PCDH15: variants seen among roughly 807,000 people sequenced by gnomAD.
PCDH15 encodes protocadherin related 15, also known as protocadherin-15.
A neutral mutation model predicts 178.5 loss-of-function variants in PCDH15; 129 were observed. That is an observed-to-expected ratio of 0.72 (90% CI 0.63 to 0.84). The LOEUF is 0.84. Ranked by LOEUF, PCDH15 falls within the 40% of genes least tolerant of loss-of-function variation. The pLI, the probability that PCDH15 is intolerant of heterozygous loss-of-function variation, is 0.00. For synonymous variants in PCDH15, 800 were observed against 732.0 expected (o/e 1.09, Z -1.50); for missense variants, 2,230 against 2,099.9 (o/e 1.06, Z -1.21).
chr10:53,856,174 T>G (rs1026169681), intron 28 of PCDH15, among the ~76,000 whole-genome samples: 1 of 151,346 alleles, frequency 6.6e-6, no homozygotes, highest in Admixed American at 6.6e-5. Context: ...TTGGGTACAG[T>G]GTACACTGCT....
At position 53,827,510 on chromosome 10, in the gene PCDH15, G is replaced by C. The variant is rs761932997; in HGVS notation, c.4250C>G (p.Ala1417Gly). 6.2e-7 allele frequency: 1 copy of C among 1,614,120 alleles called. No homozygotes were observed. The highest frequency in any genetic ancestry group is 2.2e-5 in the East Asian group (1 of 44,874). ...TGCTGGTTTAGCCGCGGGTAATGCG[G>C]CCTGAATTCGTGCAGTCTTTGTACA... The part of the protein sequence containing the change: ...AECTKTARIQ[A>G]ALPAAKPAVP... The change falls in exon 32 of 38, where the codon GCC becomes GGC. Residue 1417 changes from alanine to glycine, a missense_variant. Coordinates refer to ENST00000644397, the MANE Select transcript of PCDH15 (RefSeq NM_001384140.1).
chr10:54,373,721 T>C (rs755319171), intron 4 of PCDH15, among the ~76,000 whole-genome samples: 7 of 151,978 alleles, frequency 4.6e-5, no homozygotes, highest in Non-Finnish European at 8.8e-5. Flanking sequence ...GAGGTGATCA[T>C]AAATAAAGTC....
chr10:54,673,517 C>A (rs759325811), intron 1 of PCDH15, among the ~76,000 whole-genome samples: 1 of 152,080 alleles, frequency 6.6e-6, no homozygotes, highest in Non-Finnish European at 1.5e-5. Context: ...CGGCTCACTG[C>A]GACCTCCTCC....
intron 1 of PCDH15, among the ~76,000 whole-genome samples, chr10:55,265,311 G>GATAGATATAT (rs2084814848): frequency 6.9e-6 from 1 of 144,214 alleles, no homozygotes; most frequent in African/African-American, 2.7e-5. Context: ...GTATCTCTAT[G>GATAGATATAT]ATATATATAT....
At chr10:54,862,508 TGTCCCTCCCA>T (rs1323811224) in intron 3 of PCDH15, among the ~76,000 whole-genome samples, 14 of 152,266 alleles carry the variant, frequency 9.2e-5, no homozygotes, top group Admixed American at 7.2e-4. Context: ...ATATGCGGCT[TGTCCCTCCCA>T]AAACTCAGGT....
intron 2 of PCDH15, among the ~76,000 whole-genome samples, chr10:55,548,316 G>A (rs1405883003): frequency 3.3e-5 from 5 of 151,008 alleles, no homozygotes; most frequent in African/African-American, 4.9e-5. Context: ...TTTGTTACAC[G>A]CCAATATATA....
chr10:54,182,506 A>AGT (rs71007813), intron 13 of PCDH15, among the ~76,000 whole-genome samples: 15,518 of 147,956 alleles, frequency 0.1, 1,427 homozygotes, highest in African/African-American at 0.26. Flanking sequence ...AGAGAAAAAA[A>AGT]GTGTGTGTGT....
At chr10:55,500,435 T>G (rs1015943823) in intron 2 of PCDH15, among the ~76,000 whole-genome samples, 1 of 151,776 alleles carries the variant, frequency 6.6e-6, no homozygotes, top group Non-Finnish European at 1.5e-5. Flanking sequence ...TACAAGAAAG[T>G]TTTACAAATT....
At position 53,831,377 on chromosome 10, in the gene PCDH15, C is replaced by G. The variant is rs754652629; in HGVS notation, c.4140G>C (p.Leu1380=). ...TGCAGCAGAGGATGATGATGAAGGCCAGAGCCAACAAGGCCCCTTCTGTGT... is the reference window on the plus strand; with the variant it reads ...TGCAGCAGAGGATGATGATGAAGGCGAGAGCCAACAAGGCCCCTTCTGTGT... The part of the protein sequence containing the change: ...LGYTEGALLA[L]AFIIILCCIP... Residue 1380 remains leucine (L), a synonymous_variant, in exon 30 of 38, where the codon CTG becomes CTC. Transcript: ENST00000644397. The G allele has an allele frequency of 6.2e-7, 1 of 1,613,984 alleles. No individual in the cohort carries two copies. Among genetic ancestry groups the G allele is most frequent in the African/African-American group, 1.3e-5 (1 of 74,902 alleles).
At position 55,475,503 on chromosome 10, in the gene PCDH15, T is replaced by C. The variant is rs189650139; in HGVS notation, c.-156+152122A>G. 9.5e-4 allele frequency among the ~76,000 whole-genome samples: 145 copies of C among 152,208 alleles called. 1 individual carries two copies. Among genetic ancestry groups the C allele is most frequent in the Non-Finnish European group, 1.6e-3 (109 of 68,008 alleles). On this transcript the variant is annotated intron_variant, in intron 2 of 5. Coordinates refer to the PCDH15 transcript ENST00000613346. The stretch of plus-strand genomic sequence containing the variant: ...AGGTTAAGCATACCTAAACTAAAAA[T>C]CCAAAATGTGAAACTTTTTGAGTCC...
chr10:55,158,607 G>A (rs1838962858), intron 2 of PCDH15, among the ~76,000 whole-genome samples: 1 of 150,416 alleles, frequency 6.6e-6, no homozygotes, highest in South Asian at 2.1e-4. Flanking sequence ...GAGGGTCTGG[G>A]GTCAAAAATA....
intron 1 of PCDH15, among the ~76,000 whole-genome samples, chr10:55,284,448 A>G (rs1033927550): frequency 3.3e-5 from 5 of 152,114 alleles, no homozygotes; most frequent in Admixed American, 6.6e-5. Context: ...TGTATCACTC[A>G]GAATCAGTGC....
At chr10:55,347,784 A>G (rs1844802381) in intron 2 of PCDH15, among the ~76,000 whole-genome samples, 2 of 152,328 alleles carry the variant, frequency 1.3e-5, no homozygotes, top group South Asian at 4.1e-4. Context: ...CTGTGCCCAC[A>G]GGTCAACTAG....
intron 2 of PCDH15, among the ~76,000 whole-genome samples, chr10:55,559,203 C>T (rs931748194): frequency 5.3e-5 from 8 of 151,974 alleles, no homozygotes; most frequent in African/African-American, 1.9e-4. Flanking sequence ...CCAAATAGAA[C>T]CAAATGTATA....
At chr10:54,527,196 C>A (rs1031700429) in intron 3 of PCDH15, among the ~76,000 whole-genome samples, 4 of 151,988 alleles carry the variant, frequency 2.6e-5, no homozygotes, top group Non-Finnish European at 4.4e-5. Flanking sequence ...GTGGCCGATG[C>A]AGAACAAAAA....
At chr10:53,869,939 TTCTG>T (rs1315080634) in intron 26 of PCDH15, among the ~76,000 whole-genome samples, 1 of 152,210 alleles carries the variant, frequency 6.6e-6, no homozygotes, top group East Asian at 1.9e-4. Context: ...ATGTTCTATT[TTCTG>T]TCTGACTTCT....
chr10:54,747,541 T>C (rs537983427), intron 1 of PCDH15, among the ~76,000 whole-genome samples: 3 of 152,182 alleles, frequency 2.0e-5, no homozygotes, highest in Non-Finnish European at 2.9e-5. Context: ...AGTTTTATAA[T>C]AGAGGAAAAT....
At chr10:54,815,621 A>G (rs951876978) in intron 3 of PCDH15, among the ~76,000 whole-genome samples, 3 of 152,122 alleles carry the variant, frequency 2.0e-5, no homozygotes, top group African/African-American at 7.2e-5. Context: ...GTCATGTTTA[A>G]TGCAATACCC....
In PCDH15 at chr10:53,806,787, G is replaced by A; in HGVS notation, c.5015C>T (p.Thr1672Ile). ...EKMNARPTLV[T>I]FAPCPVGTDN... ...AGTCCCCACAGGGCAAGGGGCAAAT[G>A]TAACCAGAGTTGGTCTTGCATTCAT... Residue 1672 changes from threonine (T) to isoleucine (I), a missense_variant, in exon 38 of 38, where the codon ACA becomes ATA. Transcript: ENST00000644397. 6.2e-7 allele frequency: 1 copy of A among 1,613,886 alleles called. No individual in the cohort carries two copies. The highest frequency in any genetic ancestry group is 8.5e-7 in the Non-Finnish European group (1 of 1,179,828).
Sources: gnomAD v4.1 joint callset for allele counts (sites outside exome capture counted in the v4.1 genomes callset) on GRCh38, gnomAD v4.1.1 for gene constraint, MANE v1.5 for transcripts, NCBI Gene and HGNC (gene_info 2026-07-23, HGNC 2026-07-21) for gene names.